The following EYS variants were observed in gnomAD, a reference collection of about 807,000 sequenced individuals.
The protein encoded by EYS is EGF-like photoreceptor maintenance factor.
Under a neutral mutation model 282.1 loss-of-function variants are expected in EYS, and 250 were observed. The ratio of observed to expected loss-of-function variants is 0.89; its 90% CI spans 0.80 to 0.98. The LOEUF (loss-of-function observed/expected upper bound fraction) is 0.98, where lower values mean the gene tolerates loss of function less well. Ranked by LOEUF, EYS falls within the 50% of genes least tolerant of loss-of-function variation. EYS has a pLI of 0.00. For synonymous variants in EYS, 1,355 were observed against 1,282.9 expected (o/e 1.06, Z -1.20); for missense variants, 4,016 against 3,709.0 (o/e 1.08, Z -2.15).
chr6:65,125,370 C>T (rs1287605767), intron 12 of EYS, among the ~76,000 whole-genome samples: 1 of 152,158 alleles, frequency 6.6e-6, no homozygotes, highest in East Asian at 1.9e-4. Context: ...AATGCTGTCA[C>T]TTCCTCATCA....
At chr6:65,158,907 C>G (rs2150220141) in intron 12 of EYS, among the ~76,000 whole-genome samples, 1 of 150,990 alleles carries the variant, frequency 6.6e-6, no homozygotes, top group Middle Eastern at 3.4e-3. Context: ...TCCAAAAATG[C>G]AAGTTCTATG....
At chr6:64,184,815 TATAAG>T (rs1244335558) in intron 31 of EYS, among the ~76,000 whole-genome samples, 1 of 152,234 alleles carries the variant, frequency 6.6e-6, no homozygotes, top group Non-Finnish European at 1.5e-5. Context: ...TGTTTTTAAA[TATAAG>T]ATTTATGTCC....
At chr6:65,330,171 A>G in intron 11 of EYS, 2 of 980,652 alleles carry the variant, frequency 2.0e-6, no homozygotes, top group Non-Finnish European at 2.4e-6. Flanking sequence ...AGAGTGTATA[A>G]TCTTACCTAT....
intron 5 of EYS, among the ~76,000 whole-genome samples, chr6:65,459,883 A>G (rs1475202527): frequency 6.7e-6 from 1 of 149,086 alleles, no homozygotes; most frequent in African/African-American, 2.4e-5. Flanking sequence ...AACAGAAATT[A>G]CCTAAACTAA....
chr6:64,899,279 G>C (rs1767573412), intron 18 of EYS, among the ~76,000 whole-genome samples: 1 of 152,096 alleles, frequency 6.6e-6, no homozygotes, highest in African/African-American at 2.4e-5. Flanking sequence ...CAACAAACTA[G>C]AACTCAGGAT....
intron 19 of EYS, among the ~76,000 whole-genome samples, chr6:64,868,293 T>G (rs762394524): frequency 6.6e-6 from 1 of 151,494 alleles, no homozygotes; most frequent in East Asian, 1.9e-4. Context: ...TCATGTAGAA[T>G]TGGATATTTT....
chr6:65,229,288 A>G (rs900011191), intron 12 of EYS, among the ~76,000 whole-genome samples: 8 of 152,058 alleles, frequency 5.3e-5, no homozygotes, highest in African/African-American at 1.4e-4. Flanking sequence ...GAAAAAGAAA[A>G]AAAGGAAGCA....
chr6:64,594,327 T>C (rs974728863), intron 24 of EYS, among the ~76,000 whole-genome samples: 4 of 152,172 alleles, frequency 2.6e-5, no homozygotes, highest in African/African-American at 9.7e-5. Context: ...TTGTGAATAG[T>C]GCTGCAATAA....
chr6:65,349,569 A>T (rs1220024798), intron 9 of EYS, among the ~76,000 whole-genome samples: 1 of 151,552 alleles, frequency 6.6e-6, no homozygotes, highest in Non-Finnish European at 1.5e-5. Flanking sequence ...TGTATGTATG[A>T]TATACAACAT....
At chr6:64,615,362 T>C (rs2149847652) in intron 24 of EYS, among the ~76,000 whole-genome samples, 1 of 152,184 alleles carries the variant, frequency 6.6e-6, no homozygotes, top group Middle Eastern at 3.4e-3. Context: ...TAAAAAGTGA[T>C]TTTCTAATGT....
intron 30 of EYS, among the ~76,000 whole-genome samples, chr6:64,296,541 AATATAT>A (rs1211614579): frequency 1.3e-3 from 20 of 15,706 alleles, no homozygotes; most frequent in South Asian, 6.1e-3. Context: ...GTACTGGCAG[AATATAT>A]ATATATATAT....
intron 5 of EYS, among the ~76,000 whole-genome samples, chr6:65,411,826 T>C (rs1489422808): frequency 1.3e-5 from 2 of 152,036 alleles, no homozygotes; most frequent in East Asian, 3.9e-4. Flanking sequence ...TTTTTTTTTT[T>C]TTCGGTTAAT....
At chr6:64,610,587 A>G (rs2149844349) in intron 24 of EYS, among the ~76,000 whole-genome samples, 1 of 152,030 alleles carries the variant, frequency 6.6e-6, no homozygotes, top group East Asian at 1.9e-4. Flanking sequence ...TATTTTTAGT[A>G]GAAACGGGGT....
At chr6:64,829,329 T>G (rs1765149528) in intron 19 of EYS, among the ~76,000 whole-genome samples, 1 of 152,010 alleles carries the variant, frequency 6.6e-6, no homozygotes, top group South Asian at 2.1e-4. Flanking sequence ...TGGAGGCCTG[T>G]GCATGGACCC....
At chr6:64,795,359 G>A (rs964742627) in intron 22 of EYS, among the ~76,000 whole-genome samples, 2 of 152,056 alleles carry the variant, frequency 1.3e-5, no homozygotes, top group South Asian at 2.1e-4. Context: ...GTGGGTGGTT[G>A]GTTGAAAATA....
intron 28 of EYS, among the ~76,000 whole-genome samples, chr6:64,393,389 A>G (rs1561968887): frequency 6.6e-6 from 1 of 152,242 alleles, no homozygotes; most frequent in Non-Finnish European, 1.5e-5. Flanking sequence ...TCAATAAAAT[A>G]CTGGCAAAAC....
intron 19 of EYS, among the ~76,000 whole-genome samples, chr6:64,863,150 G>A (rs991734748): frequency 6.6e-6 from 1 of 151,946 alleles, no homozygotes; most frequent in African/African-American, 2.4e-5. Context: ...TTTCTTCTCT[G>A]TCTGCTTTAA....
intron 29 of EYS, among the ~76,000 whole-genome samples, chr6:64,312,557 G>A (rs183399255): frequency 1.8e-4 from 28 of 152,260 alleles, no homozygotes; most frequent in Middle Eastern, 3.4e-3. Context: ...TCCTCAAGTG[G>A]GTCCCTGACA....
At chr6:65,317,085 A>T (rs542257969) in intron 11 of EYS, among the ~76,000 whole-genome samples, 3 of 152,320 alleles carry the variant, frequency 2.0e-5, no homozygotes, top group African/African-American at 7.2e-5. Context: ...AGGCTTAGCA[A>T]TTAGGATATG....
Sources: allele counts gnomAD v4.1 joint callset (sites outside exome capture counted in the v4.1 genomes callset), GRCh38; gene constraint gnomAD v4.1.1; transcripts MANE v1.5; gene names NCBI Gene and HGNC (gene_info 2026-07-23, HGNC 2026-07-21).